The following NGLY1 variants were observed in gnomAD, a reference collection of about 807,000 sequenced individuals.
NGLY1 encodes peptide-N(4)-(N-acetyl-beta-glucosaminyl)asparagine amidase.
In NGLY1, 68 loss-of-function variants were observed where a neutral mutation model predicts 84.6. That is an observed-to-expected ratio of 0.80 (90% CI 0.66 to 0.98). The LOEUF (loss-of-function observed/expected upper bound fraction) is 0.98. Among genes scored for constraint, NGLY1 ranks in the 50% least tolerant of loss-of-function variants. The pLI is 0.00. For synonymous variants in NGLY1, 280 were observed against 275.2 expected, an observed-to-expected ratio of 1.02 and a Z score of -0.17; for missense variants, 779 against 770.2, an observed-to-expected ratio of 1.01 and a Z score of -0.14.
intron 1 of NGLY1, among the ~76,000 whole-genome samples, chr3:25,781,517 C>T (rs932367373): frequency 6.6e-6 from 1 of 152,154 alleles, no homozygotes; most frequent in Non-Finnish European, 1.5e-5. Context: ...GGAAAAGCAA[C>T]GCACAAAGAC....
chr3:25,741,537 G>A (rs1706145297), intron 4 of NGLY1, among the ~76,000 whole-genome samples: 1 of 151,998 alleles, frequency 6.6e-6, no homozygotes, highest in African/African-American at 2.4e-5. Context: ...TTATGTTTAT[G>A]ACTTTGGGTT....
rs3886031 is a variant in NGLY1 at position 25,749,882 on chromosome 3, G to A, written c.658+1216C>T. 5,024 of 846,470 alleles carry A rather than the reference G, an allele frequency of 5.9e-3. 168 individuals are homozygous for A. In the African/African-American group the frequency reaches 0.072, roughly 12 times the overall value. 52.4% of individuals were successfully genotyped at this position (846,470 alleles called of 1,614,324 possible). ...CAACCCCAATGCCAGGCTGCACAGC[G>A]AAGAAAATGAGTAGACAGCTCATGT... On this transcript the variant is annotated intron_variant, in intron 4 of 11. Coordinates refer to ENST00000280700, the MANE Select transcript of NGLY1 (RefSeq NM_018297.4).
chr3:25,758,683 A>C (rs1411798498), intron 3 of NGLY1, among the ~76,000 whole-genome samples: 1 of 152,246 alleles, frequency 6.6e-6, no homozygotes, highest in Non-Finnish European at 1.5e-5. Flanking sequence ...TAGTACATGT[A>C]TATAACACAT....
At chr3:25,759,483 T>C (rs545787997) in intron 3 of NGLY1, among the ~76,000 whole-genome samples, 1 of 152,316 alleles carries the variant, frequency 6.6e-6, no homozygotes, top group African/African-American at 2.4e-5. Context: ...TTCTTTTCAA[T>C]CTGGAAATTA....
At chr3:25,719,720 T>G in intron 11 of NGLY1, 85 bp from the exon 12 acceptor site, 2 of 1,063,808 alleles carry the variant, frequency 1.9e-6, no homozygotes, top group Admixed American at 5.1e-5. Flanking sequence ...TTATATAGGC[T>G]GATGTATAAG....
chr3:25,721,186 G>C (rs1704969523), intron 10 of NGLY1, among the ~76,000 whole-genome samples: 3 of 152,038 alleles, frequency 2.0e-5, no homozygotes, highest in Non-Finnish European at 4.4e-5. Context: ...GAACTCCTGG[G>C]TTCAAATGAC....
At chr3:25,749,941 TGC>T (rs1706641905) in intron 4 of NGLY1, 2 of 451,860 alleles carry the variant, frequency 4.4e-6, no homozygotes, top group Non-Finnish European at 7.2e-6. Flanking sequence ...CTGTAAAAAC[TGC>T]CAAAAAAAAA....
Position 25,719,642 on chromosome 3 carries a change from G to A in NGLY1, c.1790-7C>T, listed in dbSNP as rs778776817. On this transcript the variant is annotated splice_polypyrimidine_tract_variant and splice_region_variant and intron_variant, in intron 11 of 11. Coordinates refer to ENST00000280700, the MANE Select transcript of NGLY1 (RefSeq NM_018297.4). ...TAGGAGTGAAGACTGTTATCTGTTA[G>A]AGGGAAAAAAAAAATTAACATTTTG... is the stretch of plus-strand genomic sequence containing the variant. The A allele has an allele frequency of 3.8e-6, 6 of 1,588,178 alleles. No individual in the cohort carries two copies. Among genetic ancestry groups the A allele is most frequent in the African/African-American group, 1.4e-5 (1 of 73,262 alleles).
intron 9 of NGLY1, 199 bp from the exon 10 acceptor site, chr3:25,729,517 G>A: frequency 6.0e-6 from 2 of 334,926 alleles, no homozygotes; most frequent in Non-Finnish European, 1.1e-5. Context: ...TTACTAGAGA[G>A]AAAAACAAGA....
intron 1 of NGLY1, among the ~76,000 whole-genome samples, chr3:25,780,281 C>T (rs1365690948): frequency 6.6e-6 from 1 of 152,194 alleles, no homozygotes; most frequent in African/African-American, 2.4e-5. Context: ...ATTCGCATTC[C>T]TGGCTTCCAT....
At chr3:25,735,289 TC>T (rs2125473790) in intron 7 of NGLY1, 1 of 151,774 alleles carries the variant, frequency 6.6e-6, no homozygotes, top group South Asian at 2.1e-4. Context: ...GGGAGAAAAA[TC>T]TTTGCAAAGC....
chr3:25,735,693 G>T (rs1705779107), intron 7 of NGLY1: 1 of 193,954 alleles, frequency 5.2e-6, no homozygotes, highest in African/African-American at 2.3e-5. Flanking sequence ...ATTAAGCAAA[G>T]AGAAAAGGCA....
chr3:25,760,860 C>CAAAA (rs760535260), intron 3 of NGLY1, among the ~76,000 whole-genome samples: 2 of 71,676 alleles, frequency 2.8e-5, no homozygotes, highest in East Asian at 4.5e-4. Flanking sequence ...AACTCTGTCT[C>CAAAA]AAAAAAAAAA....
At chr3:25,788,578 G>A (rs1223217209) in intron 1 of NGLY1, among the ~76,000 whole-genome samples, 1 of 152,194 alleles carries the variant, frequency 6.6e-6, no homozygotes, top group Non-Finnish European at 1.5e-5. Context: ...TCTTAGCCAA[G>A]ACGATTTTGT....
At chr3:25,787,195 G>T (rs141676679), upstream of NGLY1, among the ~76,000 whole-genome samples, 1 of 152,180 alleles carries the variant, frequency 6.6e-6, no homozygotes. Flanking sequence ...GTTTCAGTGA[G>T]GGGGGACAAC....
chr3:25,740,036 T>G (rs1706050728), intron 4 of NGLY1, among the ~76,000 whole-genome samples: 1 of 152,206 alleles, frequency 6.6e-6, no homozygotes, highest in South Asian at 2.1e-4. Flanking sequence ...ATCCTCTAAC[T>G]GACATTATGC....
chr3:25,783,785 T>A (rs1227834694), upstream of NGLY1, among the ~76,000 whole-genome samples: 1 of 151,588 alleles, frequency 6.6e-6, no homozygotes, highest in Admixed American at 6.6e-5. This position sits in a 1 kb window ranked among gnomAD's most constrained non-coding sequence, Gnocchi z 4.5. Context: ...TGGGAAGGGG[T>A]TCCGCAGGGA....
At chr3:25,732,281 A>G in intron 9 of NGLY1, 38 bp downstream of exon 9, 1 of 1,600,242 alleles carries the variant, frequency 6.2e-7, no homozygotes, top group Non-Finnish European at 8.5e-7. Context: ...ATGAAGCAGG[A>G]AAGTAAAAGG....
exon 1 of NGLY1, chr3:25,790,022 A>C (rs41285079): frequency 1.1e-6 from 1 of 895,824 alleles, no homozygotes; most frequent in South Asian, 1.5e-5. Flanking sequence ...GTCGAACGGG[A>C]CGCGTGCGTG....
Sources: allele counts gnomAD v4.1 joint callset (sites outside exome capture counted in the v4.1 genomes callset), GRCh38; gene constraint gnomAD v4.1.1; non-coding constraint Gnocchi (gnomAD v3.1); transcripts MANE v1.5; gene names NCBI Gene and HGNC (gene_info 2026-07-23, HGNC 2026-07-21).